TAS1R1: variants seen among roughly 807,000 people sequenced by gnomAD.
TAS1R1 encodes taste receptor type 1 member 1.
In TAS1R1, 31 loss-of-function variants were observed where a neutral mutation model predicts 45.8. That is an observed-to-expected ratio of 0.68 (90% CI 0.51 to 0.91). The LOEUF (loss-of-function observed/expected upper bound fraction) is 0.91. Among genes scored for constraint, TAS1R1 ranks in the 40% least tolerant of loss-of-function variants. The probability of loss-of-function intolerance (pLI) is 0.00; values close to 1 mark genes in which losing one functional copy is unlikely to be tolerated. For synonymous variants in TAS1R1, 437 were observed against 448.4 expected, an observed-to-expected ratio of 0.97 and a Z score of 0.32; for missense variants, 1,051 against 1,063.9, an observed-to-expected ratio of 0.99 and a Z score of 0.17.
intron 1 of TAS1R1, among the ~76,000 whole-genome samples, chr1:6,558,013 A>T (rs981709257): frequency 4.0e-5 from 6 of 151,530 alleles, no homozygotes; most frequent in African/African-American, 1.5e-4. Context: ...TAATTAAACA[A>T]GGTTAAGCAG....
At chr1:6,571,884 C>T (rs1640027098) in intron 2 of TAS1R1, among the ~76,000 whole-genome samples, 1 of 152,156 alleles carries the variant, frequency 6.6e-6, no homozygotes, top group Non-Finnish European at 1.5e-5. Context: ...CCACATCATC[C>T]CAGTCTCTCC....
chr1:6,567,477 G>A (rs1639894754), intron 1 of TAS1R1, among the ~76,000 whole-genome samples: 1 of 151,894 alleles, frequency 6.6e-6, no homozygotes, highest in Admixed American at 6.6e-5. Flanking sequence ...GGAGAATGGT[G>A]TGAACCCGGG....
chr1:6,559,286 T>A (rs1254640237), intron 1 of TAS1R1, among the ~76,000 whole-genome samples: 1 of 151,602 alleles, frequency 6.6e-6, no homozygotes. Context: ...CACCTCAGCC[T>A]CCCAAAGTGC....
chr1:6,559,308 G>A (rs1424874574), intron 1 of TAS1R1, among the ~76,000 whole-genome samples: 2 of 152,048 alleles, frequency 1.3e-5, no homozygotes, highest in Non-Finnish European at 2.9e-5. Context: ...GGGATTACAG[G>A]CATGAGCCGC....
rs1173565343 is a variant in TAS1R1, at chr1:6,571,022, T to G, written c.305T>G (p.Leu102Arg). 1 of 1,614,124 alleles carries G rather than the reference T, an allele frequency of 6.2e-7. No homozygotes were observed. The highest frequency in any genetic ancestry group is 1.3e-5 in the African/African-American group (1 of 75,020). Residue 102 changes from leucine (L) to arginine (R), a missense_variant, in exon 2 of 6, where the codon CTG becomes CGG. Physicochemically the swap from Leu to Arg is moderately radical, Grantham distance 102 (BLOSUM62 -2). Coordinates refer to ENST00000333172, the MANE Select transcript of TAS1R1 (RefSeq NM_138697.4). ...LLPNITLGYQ[L>R]YDVCSDSANV... is the part of the protein sequence containing the mutation. Reference sequence around the variant, plus strand: ...CCCAACATCACCCTGGGGTACCAGCTGTATGATGTGTGTTCTGACTCTGCC... The same window carrying G: ...CCCAACATCACCCTGGGGTACCAGCGGTATGATGTGTGTTCTGACTCTGCC...
chr1:6,576,323 G>A, intron 3 of TAS1R1, 92 bp from the exon 4 acceptor site: 2 of 1,261,788 alleles, frequency 1.6e-6, no homozygotes. Context: ...AAACCACCAG[G>A]ACGGAAACCC....
At chr1:6,577,091 G>A (rs1036012738) in intron 5 of TAS1R1, 21 bp downstream of exon 5, 1 of 1,614,084 alleles carries the variant, frequency 6.2e-7, no homozygotes, top group Non-Finnish European at 8.5e-7. Context: ...AATGGAGCAG[G>A]CGAGCTACCC....
At chr1:6,561,540 T>C (rs1165090715) in intron 1 of TAS1R1, among the ~76,000 whole-genome samples, 1 of 152,092 alleles carries the variant, frequency 6.6e-6, no homozygotes, top group Non-Finnish European at 1.5e-5. Context: ...TGAAGCCCCA[T>C]GTCTACTAAA....
In TAS1R1 at chr1:6,566,762, AT is replaced by A. The variant is rs898213442; in HGVS notation, c.192-4141del. 2.4e-4 allele frequency among the ~76,000 whole-genome samples: 36 copies of A among 152,070 alleles called. 1 individual carries two copies. The highest frequency in any genetic ancestry group is 8.5e-4 in the African/African-American group (35 of 41,392). ...AGGTGCCCGCCACTGCGCCTGGCTA[AT>A]TTTTTGTATGTTTAGTAGAGACGGG... On this transcript the variant is annotated intron_variant, in intron 1 of 5. Coordinates refer to ENST00000333172, the MANE Select transcript of TAS1R1 (RefSeq NM_138697.4).
At chr1:6,573,273 G>A (rs1006760739) in intron 2 of TAS1R1, among the ~76,000 whole-genome samples, 1 of 152,168 alleles carries the variant, frequency 6.6e-6, no homozygotes, top group Non-Finnish European at 1.5e-5. Flanking sequence ...CCTGGCCAAC[G>A]TGGTGAAACC....
rs182158125 is a variant in TAS1R1, at chr1:6,557,692, C to G, written c.191+2128C>G. On this transcript the variant is annotated intron_variant, in intron 1 of 5. Coordinates refer to ENST00000333172, the MANE Select transcript of TAS1R1 (RefSeq NM_138697.4). ...TCTCAAGTGATTCTCCTGCCTGGGC[C>G]TCCCACAGCATTGGGATTCTAGGTG... Among the ~76,000 whole-genome samples, 372 of 152,280 alleles carry G rather than the reference C, an allele frequency of 2.4e-3. 2 individuals are homozygous for G. Among genetic ancestry groups the G allele is most frequent in the African/African-American group, 8.8e-3 (367 of 41,542 alleles).
intron 1 of TAS1R1, among the ~76,000 whole-genome samples, chr1:6,557,616 T>G (rs1639708023): frequency 6.6e-6 from 1 of 152,162 alleles, no homozygotes; most frequent in South Asian, 2.1e-4. Flanking sequence ...TTTAATTTTT[T>G]GTTGAGAAGG....
At position 6,579,226 on chromosome 1, in the gene TAS1R1, C is replaced by A; in HGVS notation, c.2168C>A (p.Thr723Asn). Residue 723 changes from threonine to asparagine, a missense_variant, in exon 6 of 6, where the codon ACC becomes AAC. Transcript: ENST00000333172. Reference sequence around the variant, plus strand: ...CTGGTGATGCTTGAGTGCACAGAGACCAACTCCCTGGGCTTCATACTGGCC... The same window carrying A: ...CTGGTGATGCTTGAGTGCACAGAGAACAACTCCCTGGGCTTCATACTGGCC... ...PHLVMLECTE[T>N]NSLGFILAFL... 1.2e-6 allele frequency: 2 copies of A among 1,614,216 alleles called. No homozygotes were observed. The highest frequency in any genetic ancestry group is 2.2e-5 in the South Asian group (2 of 91,082).
intron 2 of TAS1R1, among the ~76,000 whole-genome samples, chr1:6,573,430 C>T (rs1464786789): frequency 1.3e-5 from 2 of 152,046 alleles, no homozygotes; most frequent in African/African-American, 4.8e-5. Context: ...GCACTCCATC[C>T]TGGGCGACAG....
At chr1:6,563,026 T>C (rs1423540387) in intron 1 of TAS1R1, among the ~76,000 whole-genome samples, 1 of 152,058 alleles carries the variant, frequency 6.6e-6, no homozygotes, top group South Asian at 2.1e-4. Context: ...GGAAGAGTAA[T>C]TGAAAGAGGG....
intron 1 of TAS1R1, among the ~76,000 whole-genome samples, chr1:6,558,266 G>A (rs1639721702): frequency 6.6e-6 from 1 of 151,900 alleles, no homozygotes; most frequent in African/African-American, 2.4e-5. Context: ...TCAAATTCTT[G>A]AGCTCAAGCA....
At position 6,570,231 on chromosome 1, in the gene TAS1R1, T is replaced by G. The variant is rs114040683; in HGVS notation, c.192-678T>G. Among the ~76,000 whole-genome samples the G allele has an allele frequency of 7.4e-3, 1,114 of 150,732 alleles. 10 individuals carry two copies. Among genetic ancestry groups the G allele is most frequent in the African/African-American group, 0.026 (1,053 of 40,966 alleles). ...CAGCCCAGGCTTACAGACTAGGGGG[T>G]GTAAGTATATTTTAGGGAGTGGGGG... On this transcript the variant is annotated intron_variant, in intron 1 of 5. Coordinates refer to ENST00000333172, the MANE Select transcript of TAS1R1 (RefSeq NM_138697.4).
At chr1:6,577,227 C>T (rs1448750720) in intron 5 of TAS1R1, among the ~76,000 whole-genome samples, 157 bp downstream of exon 5, 16 of 152,272 alleles carry the variant, frequency 1.1e-4, no homozygotes, top group African/African-American at 3.6e-4. Context: ...TGCTACCAGA[C>T]AGAATTCTGA....
intron 1 of TAS1R1, among the ~76,000 whole-genome samples, chr1:6,561,151 G>A (rs1195233173): frequency 6.6e-6 from 1 of 152,158 alleles, no homozygotes; most frequent in Non-Finnish European, 1.5e-5. Context: ...AGGGCCAAAT[G>A]CTAAAAGGAG....
Sources: gnomAD v4.1 joint callset for allele counts (sites outside exome capture counted in the v4.1 genomes callset) on GRCh38, gnomAD v4.1.1 for gene constraint, MANE v1.5 for transcripts, NCBI Gene and HGNC (gene_info 2026-07-23, HGNC 2026-07-21) for gene names.